RAPGEF1: variants seen among roughly 807,000 people sequenced by gnomAD.
RAPGEF1 encodes the protein Rap guanine nucleotide exchange factor 1, also known as CRK SH3-binding GNRP.
RAPGEF1 carries 33 observed loss-of-function variants against 143.3 expected under a neutral mutation model. That is an observed-to-expected ratio of 0.23 (90% CI 0.17 to 0.31). The LOEUF is 0.31. RAPGEF1 is among the 10% of genes least tolerant of loss of function. The pLI is 1.00. For missense variants in RAPGEF1, 1,199 were observed against 1,645.4 expected (o/e 0.73, Z 4.69); for synonymous variants, 629 against 676.5 (o/e 0.93, Z 1.09).
chr9:131,729,296 A>G (rs1337717720), intron 1 of RAPGEF1, among the ~76,000 whole-genome samples: 2 of 112,396 alleles, frequency 1.8e-5, no homozygotes, highest in Non-Finnish European at 3.3e-5. Flanking sequence ...CCCTCTCAGT[A>G]CCCTCTCCTC....
At chr9:131,714,331 T>TA (rs1835710246) in intron 1 of RAPGEF1, among the ~76,000 whole-genome samples, 1 of 146,520 alleles carries the variant, frequency 6.8e-6, no homozygotes, top group South Asian at 2.1e-4. Flanking sequence ...TGAAGGAGAT[T>TA]TTTTTTTTTT....
At chr9:131,679,645 GCA>G (rs1437752535) in intron 1 of RAPGEF1, among the ~76,000 whole-genome samples, 1 of 152,204 alleles carries the variant, frequency 6.6e-6, no homozygotes, top group Admixed American at 6.5e-5. Flanking sequence ...CCGGGTCCAC[GCA>G]CAGTTTAGCT....
chr9:131,705,209 A>C (rs1303961098), intron 1 of RAPGEF1, among the ~76,000 whole-genome samples: 1 of 152,216 alleles, frequency 6.6e-6, no homozygotes, highest in Non-Finnish European at 1.5e-5. Flanking sequence ...TGCCCTGCAT[A>C]AGCCTACCCT....
In RAPGEF1 at chr9:131,587,065, AAC is replaced by A. The variant is rs748456950; in HGVS notation, c.3233+669_3233+670del. ...CCCTGCAGAGCGAGACTCCGTCTCAAACACACACACACACACACCTGCAGAGC... is the reference window on the plus strand; with the variant it reads ...CCCTGCAGAGCGAGACTCCGTCTCAAACACACACACACACACCTGCAGAGC... On this transcript the variant is annotated intron_variant, in intron 22 of 26. Coordinates refer to ENST00000683357, the MANE Select transcript of RAPGEF1 (RefSeq NM_001377935.1). Among the ~76,000 whole-genome samples, 69 of 41,900 alleles carry A rather than the reference AAC, an allele frequency of 1.6e-3. 6 individuals are homozygous for A. The highest frequency in any genetic ancestry group is 7.0e-3 in the African/African-American group (52 of 7,414). The allele number at this position is 41,900 out of a possible 152,430, so 27.5% of individuals were successfully genotyped here.
intron 5 of RAPGEF1, among the ~76,000 whole-genome samples, chr9:131,630,535 T>A (rs1331461367): frequency 6.6e-6 from 1 of 152,164 alleles, no homozygotes. Context: ...CTTCATGGCA[T>A]GTCAAGTTTC....
intron 1 of RAPGEF1, among the ~76,000 whole-genome samples, chr9:131,730,623 A>AG (rs202244007): frequency 0.1 from 14,026 of 137,870 alleles, 784 homozygotes; most frequent in Middle Eastern, 0.3. Flanking sequence ...TGAACCTGGG[A>AG]GGGGGAGGTT....
At chr9:131,665,655 C>T (rs1830313838) in intron 1 of RAPGEF1, among the ~76,000 whole-genome samples, 1 of 152,146 alleles carries the variant, frequency 6.6e-6, no homozygotes, top group African/African-American at 2.4e-5. Flanking sequence ...AACCAACCCC[C>T]TCCCCACCTC....
chr9:131,604,611 G>T (rs1041715463), intron 13 of RAPGEF1, among the ~76,000 whole-genome samples: 7 of 152,204 alleles, frequency 4.6e-5, no homozygotes, highest in East Asian at 1.9e-4. Flanking sequence ...GTAGCATTTT[G>T]TATCTTATGC....
intron 18 of RAPGEF1, among the ~76,000 whole-genome samples, chr9:131,590,609 C>T (rs924764339): frequency 3.5e-4 from 53 of 152,158 alleles, no homozygotes; most frequent in Non-Finnish European, 2.8e-4. Context: ...GTTTCCTGCC[C>T]GGCTGTTGTG....
intron 1 of RAPGEF1, among the ~76,000 whole-genome samples, chr9:131,689,072 C>G (rs1211062951): frequency 2.0e-5 from 3 of 152,106 alleles, no homozygotes. Flanking sequence ...TTTGGAAGGA[C>G]AGATTTAGGG....
At chr9:131,620,527 T>C (rs1960563094) in intron 11 of RAPGEF1, among the ~76,000 whole-genome samples, 1 of 152,176 alleles carries the variant, frequency 6.6e-6, no homozygotes, top group East Asian at 1.9e-4. Flanking sequence ...TTCTCAATTG[T>C]GTCTGTGGGA....
intron 1 of RAPGEF1, among the ~76,000 whole-genome samples, chr9:131,678,823 G>A (rs1015790478): frequency 6.6e-6 from 1 of 152,210 alleles, no homozygotes; most frequent in African/African-American, 2.4e-5. Context: ...GGGGGCACAG[G>A]CAGCCCTCTT....
chr9:131,623,251 G>T (rs1961788210), intron 10 of RAPGEF1, among the ~76,000 whole-genome samples: 1 of 151,998 alleles, frequency 6.6e-6, no homozygotes. Flanking sequence ...GTCACTTGAG[G>T]CTAGTTCAAC....
Position 131,628,445 on chromosome 9 carries a change from ACCAG to A in RAPGEF1, c.1017+100_1017+103del. ...TCTCGCACTCCTCGATGTGACAAAC[ACCAG>A]CGCCTGAAGACCATGGGTTTCTTTC... On this transcript the variant is annotated intron_variant, in intron 8 of 26. Transcript: ENST00000683357. The surrounding 1 kb of genome is among the most constrained non-coding windows in gnomAD (Gnocchi z 5.7). 1 of 1,455,064 alleles carries A rather than the reference ACCAG, an allele frequency of 6.9e-7. No individual in the cohort carries two copies. The highest frequency in any genetic ancestry group is 9.3e-7 in the Non-Finnish European group (1 of 1,073,736). 90.1% of individuals were successfully genotyped at this position (1,455,064 alleles called of 1,614,324 possible).
At chr9:131,619,829 C>T (rs928973118) in intron 11 of RAPGEF1, among the ~76,000 whole-genome samples, 5 of 152,294 alleles carry the variant, frequency 3.3e-5, no homozygotes, top group Admixed American at 2.6e-4. Context: ...GTGTGGATAA[C>T]GCTTCCTGCA....
intron 18 of RAPGEF1, among the ~76,000 whole-genome samples, chr9:131,591,491 C>T (rs1954252561): frequency 6.6e-6 from 1 of 152,212 alleles, no homozygotes; most frequent in South Asian, 2.1e-4. Flanking sequence ...ACAAGTGGGT[C>T]CTTCCAAACC....
At chr9:131,676,261 C>T (rs1225464368) in intron 1 of RAPGEF1, among the ~76,000 whole-genome samples, 4 of 152,180 alleles carry the variant, frequency 2.6e-5, no homozygotes, top group Non-Finnish European at 4.4e-5. Context: ...TCCCAGCGCA[C>T]CCTGAGGAAA....
intron 22 of RAPGEF1, among the ~76,000 whole-genome samples, chr9:131,585,592 A>C (rs1952593430): frequency 6.6e-6 from 1 of 152,212 alleles, no homozygotes; most frequent in Non-Finnish European, 1.5e-5. Context: ...TCTGCTTTAG[A>C]AACCACATCC....
intron 1 of RAPGEF1, among the ~76,000 whole-genome samples, chr9:131,680,423 G>A (rs1319936787): frequency 6.6e-6 from 1 of 152,172 alleles, no homozygotes; most frequent in Non-Finnish European, 1.5e-5. Context: ...CCCAAAACTG[G>A]TCATAAACGG....
Sources: allele counts gnomAD v4.1 joint callset (sites outside exome capture counted in the v4.1 genomes callset), GRCh38; gene constraint gnomAD v4.1.1; non-coding constraint Gnocchi (gnomAD v3.1); transcripts MANE v1.5; gene names NCBI Gene and HGNC (gene_info 2026-07-23, HGNC 2026-07-21).